Variants in SORBS2 observed in about 807,000 individuals in gnomAD.
SORBS2 encodes the protein sorbin and SH3 domain containing 2.
Under a neutral mutation model 97.7 loss-of-function variants are expected in SORBS2, and 46 were observed. The observed-to-expected ratio is 0.47, with a 90% confidence interval of 0.37 to 0.60. The LOEUF is 0.60. Ranked by LOEUF, SORBS2 falls within the 20% of genes least tolerant of loss-of-function variation. SORBS2 has a pLI of 0.00. For synonymous variants in SORBS2, 476 were observed against 473.4 expected, an observed-to-expected ratio of 1.01 and a Z score of -0.07; for missense variants, 1,316 against 1,282.3, an observed-to-expected ratio of 1.03 and a Z score of -0.40.
At position 185,941,688 on chromosome 4, in the gene SORBS2, T is replaced by C. The variant is rs192087077; in HGVS notation, c.-338+14508A>G. On this transcript the variant is annotated intron_variant, in intron 1 of 20. Transcript: ENST00000284776. ...ACTCCTGTACTCAACACGAGTATGA[T>C]TGCACCCATTTCTCCAGCCCCGCCT... Among the ~76,000 whole-genome samples the C allele has an allele frequency of 3.9e-5, 6 of 152,320 alleles. No individual in the cohort carries two copies. The East Asian group carries it at 1.2e-3, about 29-fold the overall frequency.
At chr4:185,726,222 C>T (rs1197843224) in intron 2 of SORBS2, among the ~76,000 whole-genome samples, 1 of 152,170 alleles carries the variant, frequency 6.6e-6, no homozygotes, top group Non-Finnish European at 1.5e-5. Flanking sequence ...AGAAGTCCAT[C>T]TCAAAATAGT....
rs1039147113 is a variant in SORBS2 at position 185,757,036 on chromosome 4, G to A, written c.-198+18191C>T. On this transcript the variant is annotated intron_variant, in intron 2 of 20. Coordinates refer to the SORBS2 transcript ENST00000284776. ...AAGACGTGAGTGGCATCAATGTCTT[G>A]CATGATGAACTTCGCAGGCTTCCAT... The A allele has an allele frequency of 5.1e-5, 44 of 859,850 alleles. No homozygotes were observed. In the South Asian group the frequency reaches 5.8e-4, roughly 11 times the overall value. The allele number at this position is 859,850 out of a possible 1,614,324, so 53.3% of individuals were successfully genotyped here. A position where few individuals can be genotyped will look rare whatever the true frequency, so the allele number is the denominator to read the frequency against.
intron 1 of SORBS2, among the ~76,000 whole-genome samples, chr4:185,936,138 C>T (rs776799960): frequency 5.9e-5 from 9 of 152,312 alleles, no homozygotes; most frequent in East Asian, 1.9e-4. Flanking sequence ...AGATGACAGG[C>T]GTGAGCCATT....
intron 13 of SORBS2, among the ~76,000 whole-genome samples, chr4:185,590,767 G>A (rs931818662): frequency 6.6e-6 from 1 of 152,122 alleles, no homozygotes; most frequent in African/African-American, 2.4e-5. Context: ...GGAAAATGAA[G>A]GCGAAATTAC....
intron 1 of SORBS2, among the ~76,000 whole-genome samples, chr4:185,885,543 A>G (rs1041798925): frequency 6.6e-6 from 1 of 152,236 alleles, no homozygotes; most frequent in African/African-American, 2.4e-5. Context: ...CAAAAGCGTA[A>G]CATTTCACAG....
chr4:185,667,490 C>T (rs568100104), intron 4 of SORBS2, among the ~76,000 whole-genome samples: 2 of 152,042 alleles, frequency 1.3e-5, no homozygotes, highest in East Asian at 3.9e-4. Flanking sequence ...TGTGACTGAT[C>T]CTTCTTTTGG....
intron 1 of SORBS2, among the ~76,000 whole-genome samples, chr4:185,810,034 T>G (rs1468771344): frequency 1.3e-5 from 2 of 152,246 alleles, no homozygotes; most frequent in African/African-American, 4.8e-5. Flanking sequence ...CTTACTTAGC[T>G]GATATTTTTG....
intron 1 of SORBS2, among the ~76,000 whole-genome samples, chr4:185,875,676 T>A (rs565812591): frequency 1.2e-4 from 19 of 152,368 alleles, no homozygotes; most frequent in Admixed American, 3.3e-4. Flanking sequence ...CTTGCAGCCC[T>A]CTGCTCCCTT....
chr4:185,915,494 A>G (rs767171850), intron 1 of SORBS2, among the ~76,000 whole-genome samples: 5 of 152,190 alleles, frequency 3.3e-5, no homozygotes, highest in Non-Finnish European at 5.9e-5. Context: ...CCTGGGGAGG[A>G]CCAGGAGAGT....
At chr4:185,889,358 A>T (rs925027721) in intron 1 of SORBS2, among the ~76,000 whole-genome samples, 1 of 147,204 alleles carries the variant, frequency 6.8e-6, no homozygotes, top group Non-Finnish European at 1.5e-5. Flanking sequence ...TTCCACAGTC[A>T]TTTTTTTTTT....
chr4:185,656,892 T>C (rs1188995164), exon 1 of SORBS2: 1 of 1,264,276 alleles, frequency 7.9e-7, no homozygotes, highest in Non-Finnish European at 9.9e-7. Context: ...AAAATGTGTA[T>C]TTTTCTTCAG....
chr4:185,781,653 C>CCTCCCTTCCCTT (rs2099031087), intron 1 of SORBS2, among the ~76,000 whole-genome samples: 1 of 41,790 alleles, frequency 2.4e-5, no homozygotes, highest in Non-Finnish European at 7.8e-5. Context: ...GCCTCTCCAG[C>CCTCCCTTCCCTT]GTCCCTTCCA....
intron 2 of SORBS2, among the ~76,000 whole-genome samples, chr4:185,706,819 A>G (rs1278888947): frequency 6.6e-6 from 1 of 152,174 alleles, no homozygotes; most frequent in African/African-American, 2.4e-5. Flanking sequence ...AGATTCATCT[A>G]TATTGTTGGT....
intron 4 of SORBS2, among the ~76,000 whole-genome samples, chr4:185,673,683 G>A (rs1466097402): frequency 6.6e-6 from 1 of 152,076 alleles, no homozygotes; most frequent in African/African-American, 2.4e-5. Context: ...ACTGCTGCTC[G>A]GGGAGGGTGA....
chr4:185,922,620 T>A (rs1206201114), intron 1 of SORBS2, among the ~76,000 whole-genome samples: 1 of 152,240 alleles, frequency 6.6e-6, no homozygotes, highest in African/African-American at 2.4e-5. Flanking sequence ...TTGTAATTAA[T>A]GACAGCTATT....
At chr4:185,896,460 T>A (rs1579366653) in intron 1 of SORBS2, among the ~76,000 whole-genome samples, 1 of 152,286 alleles carries the variant, frequency 6.6e-6, no homozygotes, top group East Asian at 1.9e-4. Flanking sequence ...GGTGCACGCC[T>A]GTAATCCCAG....
intron 1 of SORBS2, among the ~76,000 whole-genome samples, chr4:185,945,282 C>A (rs2099274006): frequency 6.6e-6 from 1 of 152,208 alleles, no homozygotes; most frequent in South Asian, 2.1e-4. Context: ...CCCATCAGCT[C>A]TCTCCTGAGA....
chr4:185,858,991 T>C (rs900117893), intron 1 of SORBS2, among the ~76,000 whole-genome samples: 50 of 152,226 alleles, frequency 3.3e-4, no homozygotes, highest in African/African-American at 1.1e-3. Flanking sequence ...TTTGAGATTG[T>C]AGTCCACTTA....
chr4:185,674,067 A>G (rs2097759347), intron 4 of SORBS2, among the ~76,000 whole-genome samples: 1 of 152,038 alleles, frequency 6.6e-6, no homozygotes, highest in Admixed American at 6.6e-5. Flanking sequence ...ACTCTGTCTC[A>G]TGGCCACAAA....
Sources: gnomAD v4.1 joint callset for allele counts (sites outside exome capture counted in the v4.1 genomes callset) on GRCh38, gnomAD v4.1.1 for gene constraint, MANE v1.5 for transcripts, NCBI Gene and HGNC (gene_info 2026-07-23, HGNC 2026-07-21) for gene names.